The following SCARF1 variants were observed in gnomAD, a reference collection of about 807,000 sequenced individuals.
SCARF1 encodes scavenger receptor class F member 1, also known as acetyl LDL receptor.
In SCARF1, 49 loss-of-function variants were observed where a neutral mutation model predicts 76.3. The ratio of observed to expected loss-of-function variants is 0.64; its 90% confidence interval spans 0.51 to 0.81. The LOEUF is 0.81. SCARF1 is among the 40% of genes least tolerant of loss of function. SCARF1 has a pLI of 0.00. For missense variants in SCARF1, 1,098 were observed against 1,143.9 expected (o/e 0.96, Z 0.58); for synonymous variants, 495 against 474.6 (o/e 1.04, Z -0.56).
chr17:1,637,025 G>C lies in SCARF1; in HGVS notation c.1402C>G (p.Leu468Val). The change falls in exon 9 of 11, where the codon CTG (leucine) becomes GTG (valine). Residue 468 changes from leucine (L) to valine (V), a missense_variant. Coordinates refer to ENST00000263071, the MANE Select transcript of SCARF1 (RefSeq NM_003693.4). The part of the protein sequence containing the change: ...RDGATVSRMK[L>V]QVWGTLTSLG... ...CTGGTCAGTGTCCCCCAGACCTGCAGCTTCATCCTGGACACGGTAGCTCCA... is the reference window on the plus strand; with the variant it reads ...CTGGTCAGTGTCCCCCAGACCTGCACCTTCATCCTGGACACGGTAGCTCCA... 6.2e-7 allele frequency: 1 copy of C among 1,614,032 alleles called. No individual in the cohort carries two copies. Among genetic ancestry groups the C allele is most frequent in the South Asian group, 1.1e-5 (1 of 91,074 alleles).
At position 1,634,318 on chromosome 17, in the gene SCARF1, G is replaced by C. The variant is rs1909328545; in HGVS notation, c.*440C>G. The C allele has an allele frequency of 3.6e-6, 1 of 277,012 alleles. No homozygotes were observed. Among genetic ancestry groups the C allele is most frequent in the African/African-American group, 2.2e-5 (1 of 45,610 alleles). The allele number at this position is 277,012 out of a possible 1,614,324, so 17.2% of individuals were successfully genotyped here. ...GCAGGAGAAGGGCGTGAACCCGGGAGGCAGAGCTTGCAGTGAGCCGAGATC... is the reference window on the plus strand; with the variant it reads ...GCAGGAGAAGGGCGTGAACCCGGGACGCAGAGCTTGCAGTGAGCCGAGATC... On this transcript the variant is annotated 3_prime_UTR_variant, in exon 11 of 11. Transcript: ENST00000263071.
chr17:1,640,623 C>A lies in SCARF1; in HGVS notation c.835G>T (p.Gly279Cys). ...KHNEPCSPDT[G>C]SCESCEPGWN... ...CCCGGCTCGCAGGACTCACAGCTGC[C>A]TGTGTCTGGAGAGCACGGCTCATTG... The change falls in exon 5 of 11, where the codon GGC becomes TGC. Residue 279 changes from glycine (G) to cysteine (C), a missense_variant. Gly to Cys is a radical substitution (Grantham distance 159). Transcript: ENST00000263071. The surrounding 1 kb of genome is among the most constrained non-coding windows in gnomAD (Gnocchi z 4.7). The A allele has an allele frequency of 6.2e-7, 1 of 1,612,776 alleles. No individual in the cohort carries two copies. Among genetic ancestry groups the A allele is most frequent in the Non-Finnish European group, 8.5e-7 (1 of 1,179,786 alleles).
At chr17:1,641,958 G>A (rs1461543317) in intron 4 of SCARF1, among the ~76,000 whole-genome samples, 1 of 151,838 alleles carries the variant, frequency 6.6e-6, no homozygotes, top group African/African-American at 2.4e-5. Flanking sequence ...CTGACCTCAG[G>A]TGATCCGCCC....
rs1909986261 is a variant in SCARF1 at position 1,640,759 on chromosome 17, G to A, written c.792-93C>T. ...CTGTACTCCACGCAGGCCTTCGGGG[G>A]CCCTGGAGAGTGTTCGGGTCCCACC... On this transcript the variant is annotated intron_variant, in intron 4 of 10. Transcript: ENST00000263071. This position sits in a 1 kb window ranked among gnomAD's most constrained non-coding sequence, Gnocchi z 4.7. 2 of 1,216,370 alleles carry A rather than the reference G, an allele frequency of 1.6e-6. No homozygotes were observed. The highest frequency in any genetic ancestry group is 2.0e-5 in the Admixed American group (1 of 49,082). The allele number at this position is 1,216,370 out of a possible 1,614,324, so 75.3% of individuals were successfully genotyped here. A position where few individuals can be genotyped will look rare whatever the true frequency, so the allele number is the denominator to read the frequency against.
Position 1,645,438 on chromosome 17 carries a change from A to G in SCARF1, c.101+159T>C. 6.7e-7 allele frequency: 1 copy of G among 1,495,272 alleles called. No homozygotes were observed. Among genetic ancestry groups the G allele is most frequent in the Non-Finnish European group, 8.9e-7 (1 of 1,118,406 alleles). 92.6% of individuals were successfully genotyped at this position (1,495,272 alleles called of 1,614,324 possible). ...CCACCATCTGCCCTGGCTGGCCACT[A>G]CCTGCCAGACCGCCATCAGCAGTCC... is the stretch of plus-strand genomic sequence containing the variant. On this transcript the variant is annotated intron_variant, in intron 1 of 10. Transcript: ENST00000263071. This position sits in a 1 kb window ranked among gnomAD's most constrained non-coding sequence, Gnocchi z 6.3.
intron 8 of SCARF1, 61 bp from the exon 9 acceptor site, chr17:1,637,123 T>C: frequency 1.3e-6 from 2 of 1,577,892 alleles, no homozygotes; most frequent in Non-Finnish European, 1.7e-6. Flanking sequence ...CTGGGTCACC[T>C]TGGCAGGGTG....
intron 4 of SCARF1, among the ~76,000 whole-genome samples, chr17:1,642,856 G>T (rs1269501030): frequency 1.3e-5 from 2 of 152,002 alleles, no homozygotes; most frequent in African/African-American, 2.4e-5. Flanking sequence ...GACTACAGGC[G>T]CAGCCCGGCT....
In SCARF1 at chr17:1,635,247, C is replaced by T; in HGVS notation, c.2004G>A (p.Arg668=). 6.2e-7 allele frequency: 1 copy of T among 1,611,956 alleles called. No individual in the cohort carries two copies. Among genetic ancestry groups the T allele is most frequent in the Non-Finnish European group, 8.5e-7 (1 of 1,179,078 alleles). The change falls in exon 11 of 11, where the codon CGG becomes CGA. Residue 668 remains arginine, a synonymous_variant. Coordinates refer to ENST00000263071, the MANE Select transcript of SCARF1 (RefSeq NM_003693.4). The part of the protein sequence containing the change: ...TGHRRPPLGG[R]TVAEHVEAIE... ...TGGCTTCCACGTGCTCAGCCACTGT[C>T]CGGCCACCAAGTGGGGGCCGCCGGT...
chr17:1,640,891 C>G lies in SCARF1; in HGVS notation c.792-225G>C, dbSNP rs1909996745. On this transcript the variant is annotated intron_variant, in intron 4 of 10. Transcript: ENST00000263071. This position sits in a 1 kb window ranked among gnomAD's most constrained non-coding sequence, Gnocchi z 4.7. ...TCCTTCCAGGCATCTGCTCTGTGAC[C>G]GTCTTTCCCTGGGTCCCAGGACCAT... 6.6e-6 allele frequency among the ~76,000 whole-genome samples: 1 copy of G among 152,140 alleles called. No individual in the cohort carries two copies. Among genetic ancestry groups the G allele is most frequent in the Non-Finnish European group, 1.5e-5 (1 of 68,030 alleles).
At position 1,635,245 on chromosome 17, in the gene SCARF1, G is replaced by A. The variant is rs373556006; in HGVS notation, c.2006C>T (p.Thr669Ile). 3.7e-6 allele frequency: 6 copies of A among 1,611,820 alleles called. No individual in the cohort carries two copies. Among genetic ancestry groups the A allele is most frequent in the African/African-American group, 1.3e-5 (1 of 74,926 alleles). Reference sequence around the variant, plus strand: ...AATGGCTTCCACGTGCTCAGCCACTGTCCGGCCACCAAGTGGGGGCCGCCG... The same window carrying A: ...AATGGCTTCCACGTGCTCAGCCACTATCCGGCCACCAAGTGGGGGCCGCCG... The part of the protein sequence containing the change: ...GHRRPPLGGR[T>I]VAEHVEAIEG... Residue 669 changes from threonine (T) to isoleucine (I), a missense_variant, in exon 11 of 11, where the codon ACA (threonine) becomes ATA (isoleucine). Thr to Ile is a moderately conservative substitution (Grantham distance 89). Transcript: ENST00000263071.
In SCARF1 at chr17:1,644,814, A is replaced by T. The variant is rs1910387071; in HGVS notation, c.265+20T>A. On this transcript the variant is annotated intron_variant, in intron 3 of 10. Transcript: ENST00000263071. This position sits in a 1 kb window ranked among gnomAD's most constrained non-coding sequence, Gnocchi z 4.8. ...GTACCCAGCTCTGCCCAGCAACTTC[A>T]TCTGGCCCTTGAGACTCACGGGAGC... The T allele has an allele frequency of 6.2e-7, 1 of 1,606,248 alleles. No homozygotes were observed. Among genetic ancestry groups the T allele is most frequent in the Non-Finnish European group, 8.5e-7 (1 of 1,176,714 alleles).
Position 1,645,581 on chromosome 17 carries a change from C to G in SCARF1, c.101+16G>C, listed in dbSNP as rs749310431. On this transcript the variant is annotated intron_variant, in intron 1 of 10. Coordinates refer to ENST00000263071, the MANE Select transcript of SCARF1 (RefSeq NM_003693.4). The surrounding 1 kb of genome is among the most constrained non-coding windows in gnomAD (Gnocchi z 6.3). Reference sequence around the variant, plus strand: ...CCACCTGCTGGCCACACGCATCAGACTCCCACGAGACCCACCTGCTGGCCA... The same window carrying G: ...CCACCTGCTGGCCACACGCATCAGAGTCCCACGAGACCCACCTGCTGGCCA... 6.3e-7 allele frequency: 1 copy of G among 1,599,608 alleles called. No individual in the cohort carries two copies. The highest frequency in any genetic ancestry group is 8.5e-7 in the Non-Finnish European group (1 of 1,176,704).
Position 1,638,875 on chromosome 17 carries a change from A to T in SCARF1, c.1295T>A (p.Leu432Gln). 1 of 1,610,752 alleles carries T rather than the reference A, an allele frequency of 6.2e-7. No individual in the cohort carries two copies. The change falls in exon 8 of 11, where the codon CTG (leucine) becomes CAG (glutamine). Residue 432 changes from leucine to glutamine, a missense_variant. Coordinates refer to ENST00000263071, the MANE Select transcript of SCARF1 (RefSeq NM_003693.4). ...ALIAGSLVPL[L>Q]LLFLGLACCA... ...GCAGGCAAGGCCCAGGAAGAGCAGC[A>T]GCAGAGGCACAAGGCTGCCCGCGAT... is the stretch of plus-strand genomic sequence containing the variant.
Position 1,644,054 on chromosome 17 carries a change from C to T in SCARF1, c.266-87G>A. 4 of 1,085,294 alleles carry T rather than the reference C, an allele frequency of 3.7e-6. No individual in the cohort carries two copies. The highest frequency in any genetic ancestry group is 4.7e-6 in the Non-Finnish European group (4 of 847,972). 67.2% of individuals were successfully genotyped at this position (1,085,294 alleles called of 1,614,324 possible). ...CGTCCCCTTCCTCAAGGAAAAGGGG[C>T]GCTGGGCCCATCCTCCAAGAGCCGG... On this transcript the variant is annotated intron_variant, in intron 3 of 10. Transcript: ENST00000263071. This position sits in a 1 kb window ranked among gnomAD's most constrained non-coding sequence, Gnocchi z 4.8.
At chr17:1,636,047 A>G (rs1909531527) in intron 10 of SCARF1, among the ~76,000 whole-genome samples, 1 of 152,040 alleles carries the variant, frequency 6.6e-6, no homozygotes, top group Non-Finnish European at 1.5e-5. Context: ...ATGCTGTTCC[A>G]TCTTCCTGAA....
In SCARF1 at chr17:1,640,619, C is replaced by T. The variant is rs757014454; in HGVS notation, c.839G>A (p.Ser280Asn). 3.7e-6 allele frequency: 6 copies of T among 1,612,648 alleles called. No homozygotes were observed. Among genetic ancestry groups the T allele is most frequent in the Non-Finnish European group, 5.1e-6 (6 of 1,179,760 alleles). ...CCAGCCCGGCTCGCAGGACTCACAG[C>T]TGCCTGTGTCTGGAGAGCACGGCTC... ...HNEPCSPDTGSCESCEPGWNG... is the reference protein window; with the variant it reads ...HNEPCSPDTGNCESCEPGWNG... Residue 280 changes from serine to asparagine, a missense_variant, in exon 5 of 11, where the codon AGC becomes AAC. Coordinates refer to ENST00000263071, the MANE Select transcript of SCARF1 (RefSeq NM_003693.4). The surrounding 1 kb of genome is among the most constrained non-coding windows in gnomAD (Gnocchi z 4.7).
chr17:1,643,554 G>C lies in SCARF1; in HGVS notation c.679C>G (p.Arg227Gly). Residue 227 changes from arginine to glycine, a missense_variant, in exon 4 of 11, where the codon CGG becomes GGG. Coordinates refer to ENST00000263071, the MANE Select transcript of SCARF1 (RefSeq NM_003693.4). ...CCGGAGGCGGCGCTGCAGCGGCCCC[G>C]CACACACTCGCACTGCTGCTGGCAT... ...PECQQQCECVRGRCSAASGEC... is the reference protein window; with the variant it reads ...PECQQQCECVGGRCSAASGEC... 6.9e-7 allele frequency: 1 copy of C among 1,455,084 alleles called. No individual in the cohort carries two copies. 90.1% of individuals were successfully genotyped at this position (1,455,084 alleles called of 1,614,324 possible).
In SCARF1 at chr17:1,642,890, C is replaced by A. The variant is rs546108324; in HGVS notation, c.791+552G>T. On this transcript the variant is annotated intron_variant, in intron 4 of 10. Transcript: ENST00000263071. Reference sequence around the variant, plus strand: ...CTAATTTTTGTGTTTTTAGTAGAGACGAGGTTTCAGCATGTTGGCCAGGAT... The same window carrying A: ...CTAATTTTTGTGTTTTTAGTAGAGAAGAGGTTTCAGCATGTTGGCCAGGAT... Among the ~76,000 whole-genome samples, 4 of 152,166 alleles carry A rather than the reference C, an allele frequency of 2.6e-5. No homozygotes were observed. In the East Asian group the frequency reaches 7.7e-4, roughly 29 times the overall value.
rs571856074 is a variant in SCARF1, at chr17:1,640,203, C to T, written c.1011-163G>A. ...TAGGGCCTTGAACTTGGGGCCAAAT[C>T]CAGCAGGTGACAGACTACAAGTCCC... is the stretch of plus-strand genomic sequence containing the variant. On this transcript the variant is annotated intron_variant, in intron 5 of 10. Transcript: ENST00000263071. The surrounding 1 kb of genome is among the most constrained non-coding windows in gnomAD (Gnocchi z 4.7). 2.3e-6 allele frequency: 2 copies of T among 869,044 alleles called. No individual in the cohort carries two copies. The highest frequency in any genetic ancestry group is 1.7e-5 in the African/African-American group (1 of 58,888). The allele number at this position is 869,044 out of a possible 1,614,324, so 53.8% of individuals were successfully genotyped here.
Sources: gnomAD v4.1 joint callset for allele counts (sites outside exome capture counted in the v4.1 genomes callset) on GRCh38, gnomAD v4.1.1 for gene constraint, Gnocchi (gnomAD v3.1) non-coding constraint, MANE v1.5 for transcripts, NCBI Gene and HGNC (gene_info 2026-07-23, HGNC 2026-07-21) for gene names.